Variants in MYO3A observed in about 807,000 individuals in gnomAD.
MYO3A encodes myosin IIIA.
Under a neutral mutation model 192.7 loss-of-function variants are expected in MYO3A, and 180 were observed. That is an observed-to-expected ratio of 0.93 (90% CI 0.83 to 1.06). The LOEUF (loss-of-function observed/expected upper bound fraction) is 1.06. Ranked by LOEUF, MYO3A falls within the 50% of genes least tolerant of loss-of-function variation. MYO3A has a pLI of 0.00. For missense variants in MYO3A, 1,896 were observed against 1,905.0 expected (o/e 1.00, Z 0.09); for synonymous variants, 628 against 645.3 (o/e 0.97, Z 0.41).
intron 4 of MYO3A, among the ~76,000 whole-genome samples, chr10:25,962,456 T>C (rs1311145411): frequency 6.6e-6 from 1 of 152,178 alleles, no homozygotes; most frequent in Non-Finnish European, 1.5e-5. Context: ...AATTTAGTTT[T>C]TTATAGAACA....
intron 22 of MYO3A, among the ~76,000 whole-genome samples, chr10:26,147,208 A>ATG (rs1840516690): frequency 2.0e-5 from 3 of 152,176 alleles, no homozygotes; most frequent in Admixed American, 6.5e-5. Context: ...GGTCATTTCA[A>ATG]CCCAAATAAA....
Position 26,210,261 on chromosome 10 carries a change from C to G in MYO3A, c.4731-1582C>G, listed in dbSNP as rs114406268. 4.5e-3 allele frequency among the ~76,000 whole-genome samples: 686 copies of G among 152,308 alleles called. 9 individuals carry two copies. The highest frequency in any genetic ancestry group is 0.015 in the African/African-American group (629 of 41,558). On this transcript the variant is annotated intron_variant, in intron 34 of 34. Coordinates refer to ENST00000642920, the MANE Select transcript of MYO3A (RefSeq NM_017433.5). ...ATATATTTGATATCTTCTTGAATAT[C>G]TAATAAATATCTCAAACTTAGCATA...
intron 34 of MYO3A, among the ~76,000 whole-genome samples, chr10:26,209,571 G>A (rs1478462646): frequency 6.6e-6 from 1 of 152,118 alleles, no homozygotes; most frequent in Admixed American, 6.5e-5. Context: ...AGTGACCTCC[G>A]TTTTGCCATG....
At chr10:26,119,583 G>A (rs1167136129) in intron 17 of MYO3A, among the ~76,000 whole-genome samples, 1 of 152,094 alleles carries the variant, frequency 6.6e-6, no homozygotes, top group East Asian at 1.9e-4. Flanking sequence ...ATATGGGAGT[G>A]AATGGAATAA....
chr10:26,019,784 C>A (rs1319562927), intron 7 of MYO3A, among the ~76,000 whole-genome samples: 1 of 152,102 alleles, frequency 6.6e-6, no homozygotes. Flanking sequence ...TTATGTTTAT[C>A]CATTTGTCAG....
chr10:26,088,038 T>C (rs1836450010), intron 14 of MYO3A, among the ~76,000 whole-genome samples, 165 bp from the exon 15 acceptor site: 1 of 152,136 alleles, frequency 6.6e-6, no homozygotes, highest in African/African-American at 2.4e-5. Context: ...TGAATCCACA[T>C]ATGGGAGGGG....
In MYO3A at chr10:25,995,006, A is replaced by T. The variant is rs1840329852; in HGVS notation, c.304-1484A>T. Among the ~76,000 whole-genome samples, 9 of 152,210 alleles carry T rather than the reference A, an allele frequency of 5.9e-5. No homozygotes were observed. The South Asian group carries it at 1.9e-3, about 32-fold the overall frequency. On this transcript the variant is annotated intron_variant, in intron 4 of 34. Transcript: ENST00000642920. ...ATGTGTCTTGGAGTTGCTCTTCTCG[A>T]GGAGTATCTTTGTGGCGTTCTCTGT...
chr10:26,122,366 A>G (rs1275891628), intron 18 of MYO3A, among the ~76,000 whole-genome samples: 1 of 152,240 alleles, frequency 6.6e-6, no homozygotes. Flanking sequence ...ATTAATTTAC[A>G]TTAAAATGAT....
At chr10:26,145,403 A>G (rs781716966) in intron 21 of MYO3A, 43 bp from the exon 22 acceptor site, 2 of 1,328,682 alleles carry the variant, frequency 1.5e-6, no homozygotes, top group Non-Finnish European at 2.2e-6. Context: ...TTTTTTGAGG[A>G]TCTCATACAT....
At chr10:26,201,651 A>C (rs1223701761) in intron 33 of MYO3A, among the ~76,000 whole-genome samples, 3 of 150,242 alleles carry the variant, frequency 2.0e-5, no homozygotes, top group Non-Finnish European at 4.4e-5. Flanking sequence ...GCGCCACTGC[A>C]CTCCAGCCTG....
At chr10:25,944,820 A>C (rs150263303) in intron 2 of MYO3A, among the ~76,000 whole-genome samples, 57 of 152,122 alleles carry the variant, frequency 3.7e-4, no homozygotes, top group African/African-American at 1.3e-3. Context: ...AAGGTTTTAA[A>C]GGTTTCGAAG....
rs144148836 is a variant in MYO3A at position 25,949,860 on chromosome 10, G to A, written c.-17-2234G>A. Among the ~76,000 whole-genome samples the A allele has an allele frequency of 4.6e-3, 698 of 151,938 alleles. 3 individuals carry two copies. The highest frequency in any genetic ancestry group is 7.4e-3 in the Non-Finnish European group (502 of 67,920). ...ATTTAACATTTACCGTATTTTCTAG[G>A]TACAGAGTAAGGCCAAATCTATTAT... On this transcript the variant is annotated intron_variant, in intron 2 of 34. Coordinates refer to ENST00000642920, the MANE Select transcript of MYO3A (RefSeq NM_017433.5).
intron 6 of MYO3A, among the ~76,000 whole-genome samples, chr10:26,015,400 A>C (rs1841934975): frequency 6.6e-6 from 1 of 152,054 alleles, no homozygotes; most frequent in South Asian, 2.1e-4. Flanking sequence ...GGGCTCCTGA[A>C]CCCATATTTT....
intron 18 of MYO3A, among the ~76,000 whole-genome samples, chr10:26,121,918 C>G (rs1838886444): frequency 6.6e-6 from 1 of 152,230 alleles, no homozygotes; most frequent in African/African-American, 2.4e-5. Context: ...TGCTATCCCA[C>G]TGTGTCTCTG....
At chr10:26,120,851 G>C (rs1456563760) in intron 18 of MYO3A, 49 bp downstream of exon 18, 1 of 1,603,622 alleles carries the variant, frequency 6.2e-7, no homozygotes, top group African/African-American at 1.3e-5. Flanking sequence ...CAAATCTTAT[G>C]ACATACCATA....
intron 23 of MYO3A, among the ~76,000 whole-genome samples, chr10:26,148,645 A>T (rs1299343656): frequency 2.0e-5 from 3 of 152,158 alleles, no homozygotes; most frequent in African/African-American, 7.2e-5. Context: ...CTCTCCATTT[A>T]TTTAAGTCTC....
rs1010478997 is a variant in MYO3A at position 26,191,763 on chromosome 10, G to A, written c.4439-1442G>A. On this transcript the variant is annotated intron_variant, in intron 31 of 34. Transcript: ENST00000642920. ...AGACGTCTATGAGTCTTTCACCCTC[G>A]GTTGAAGCTGATTTACACTTGCCAG... is the stretch of plus-strand genomic sequence containing the variant. Among the ~76,000 whole-genome samples, 7 of 152,240 alleles carry A rather than the reference G, an allele frequency of 4.6e-5. No individual in the cohort carries two copies. In the East Asian group the frequency reaches 7.7e-4, roughly 17 times the overall value.
intron 27 of MYO3A, among the ~76,000 whole-genome samples, chr10:26,168,335 A>AT (rs1329476614): frequency 6.8e-5 from 10 of 147,944 alleles, no homozygotes; most frequent in Non-Finnish European, 1.2e-4. Flanking sequence ...ATCTATTCAG[A>AT]TTTTTTTAAT....
In MYO3A at chr10:26,193,302, T is replaced by C. The variant is rs1843243590; in HGVS notation, c.4536T>C (p.Tyr1512=). 3 of 1,611,058 alleles carry C rather than the reference T, an allele frequency of 1.9e-6. No individual in the cohort carries two copies. Among genetic ancestry groups the C allele is most frequent in the African/African-American group, 1.3e-5 (1 of 74,800 alleles). ...LNNPEDSTYY[Y]LLHKSIQEEK... is the part of the protein sequence containing the mutation. The stretch of plus-strand genomic sequence containing the variant: ...ACCCTGAAGACTCCACATACTATTA[T>C]CTACTTCATGTAAGTGGCTCACTCT... Residue 1512 remains tyrosine (Y), a synonymous_variant, in exon 32 of 35, where the codon TAT becomes TAC. Coordinates refer to ENST00000642920, the MANE Select transcript of MYO3A (RefSeq NM_017433.5).
Sources: gnomAD v4.1 joint callset for allele counts (sites outside exome capture counted in the v4.1 genomes callset) on GRCh38, gnomAD v4.1.1 for gene constraint, MANE v1.5 for transcripts, NCBI Gene and HGNC (gene_info 2026-07-23, HGNC 2026-07-21) for gene names.